RBFOX1: variants seen among roughly 807,000 people sequenced by gnomAD.
RBFOX1 encodes RNA binding protein fox-1 homolog 1.
Under a neutral mutation model 57.7 loss-of-function variants are expected in RBFOX1, and 8 were observed. That is an observed-to-expected ratio of 0.14 (90% CI 0.08 to 0.25). The LOEUF (loss-of-function observed/expected upper bound fraction) is 0.25, where lower values mean the gene tolerates loss of function less well. Among genes scored for constraint, RBFOX1 ranks in the 10% least tolerant of loss-of-function variants. RBFOX1 has a pLI of 1.00. For synonymous variants in RBFOX1, 326 were observed against 222.4 expected (o/e 1.47, Z -4.15); for missense variants, 611 against 548.5 (o/e 1.11, Z -1.14).
At chr16:6,169,318 C>G (rs1026425045) in intron 1 of RBFOX1, among the ~76,000 whole-genome samples, 1 of 151,886 alleles carries the variant, frequency 6.6e-6, no homozygotes, top group Non-Finnish European at 1.5e-5. Flanking sequence ...ACTTTGTTAT[C>G]ACGTTGGGGA....
chr16:5,332,656 G>A (rs1652101073), intron 1 of RBFOX1, among the ~76,000 whole-genome samples: 1 of 151,376 alleles, frequency 6.6e-6, no homozygotes, highest in South Asian at 2.1e-4. Flanking sequence ...TTACATATGT[G>A]TGTGTGAATG....
At chr16:7,639,568 C>T (rs1597099171) in intron 11 of RBFOX1, among the ~76,000 whole-genome samples, 2 of 152,006 alleles carry the variant, frequency 1.3e-5, no homozygotes, top group Admixed American at 6.6e-5. Flanking sequence ...TTCTATTATA[C>T]CTATATTCTT....
intron 1 of RBFOX1, among the ~76,000 whole-genome samples, chr16:6,258,872 C>T (rs758908396): frequency 1.3e-5 from 2 of 152,082 alleles, no homozygotes; most frequent in South Asian, 2.1e-4. Context: ...TCATGTACCC[C>T]ATAAAGATAT....
intron 1 of RBFOX1, among the ~76,000 whole-genome samples, chr16:5,424,989 T>TTTCTTTCTTTTTTTCTTTC (rs59594774): frequency 1.3e-5 from 1 of 75,730 alleles, no homozygotes; most frequent in Non-Finnish European, 2.8e-5. Flanking sequence ...TTTTCTTTTC[T>TTTCTTTCTTTTTTTCTTTC]TTTCTTTTCT....
rs572664024 is a variant in RBFOX1 at position 6,824,437 on chromosome 16, A to C, written c.-16+169787A>C. ...ACTGTAAACAGTTATCTTACTGTCA[A>C]GGCAACTCAAGATGTTCTATTGCTT... On this transcript the variant is annotated intron_variant, in intron 3 of 15. Coordinates refer to ENST00000550418, the MANE Select transcript of RBFOX1 (RefSeq NM_018723.4). Among the ~76,000 whole-genome samples the C allele has an allele frequency of 8.5e-5, 13 of 152,342 alleles. No homozygotes were observed. In the South Asian group the frequency reaches 1.0e-3, roughly 12 times the overall value.
chr16:6,575,017 G>T (rs1230828701), intron 2 of RBFOX1, among the ~76,000 whole-genome samples: 3 of 144,086 alleles, frequency 2.1e-5, no homozygotes, highest in Admixed American at 1.4e-4. Context: ...CAGCTTGGGG[G>T]ACAGAGCGAG....
At chr16:5,430,618 G>C (rs984948404) in intron 1 of RBFOX1, among the ~76,000 whole-genome samples, 4 of 152,190 alleles carry the variant, frequency 2.6e-5, no homozygotes, top group African/African-American at 9.7e-5. Context: ...GTATCAGTTA[G>C]GTTGACTCCA....
chr16:5,323,835 C>T (rs907438106), intron 1 of RBFOX1, among the ~76,000 whole-genome samples: 1 of 152,206 alleles, frequency 6.6e-6, no homozygotes, highest in Non-Finnish European at 1.5e-5. Context: ...GGCTGAGTGT[C>T]CCTGTAACAT....
At chr16:6,431,976 A>G (rs2094113355) in intron 2 of RBFOX1, among the ~76,000 whole-genome samples, 1 of 118,898 alleles carries the variant, frequency 8.4e-6, no homozygotes, top group African/African-American at 3.3e-5. Context: ...TCTTTTTTGA[A>G]ATAGAGACAG....
chr16:5,426,009 G>T (rs1425988951), intron 1 of RBFOX1, among the ~76,000 whole-genome samples: 1 of 152,210 alleles, frequency 6.6e-6, no homozygotes, highest in Non-Finnish European at 1.5e-5. Context: ...TGGAGTGGAA[G>T]TGCTGCTGGT....
intron 5 of RBFOX1, among the ~76,000 whole-genome samples, chr16:7,522,536 A>G (rs2077734342): frequency 6.6e-6 from 1 of 152,194 alleles, no homozygotes; most frequent in Non-Finnish European, 1.5e-5. Context: ...AATAACTGTG[A>G]TATGTTGGAG....
At chr16:6,076,401 C>A (rs1213317584) in intron 1 of RBFOX1, among the ~76,000 whole-genome samples, 1 of 152,012 alleles carries the variant, frequency 6.6e-6, no homozygotes, top group Non-Finnish European at 1.5e-5. Context: ...AACTGTTTGA[C>A]CTTCGGTAGG....
intron 1 of RBFOX1, among the ~76,000 whole-genome samples, chr16:6,105,983 A>T (rs1411861870): frequency 6.6e-6 from 1 of 152,048 alleles, no homozygotes; most frequent in Admixed American, 6.6e-5. Context: ...TCTTTACACT[A>T]ATATTGCTTT....
intron 4 of RBFOX1, among the ~76,000 whole-genome samples, chr16:7,240,964 A>G (rs1157117013): frequency 1.3e-5 from 2 of 152,196 alleles, no homozygotes; most frequent in Non-Finnish European, 2.9e-5. Flanking sequence ...GGAACATTCT[A>G]CTTTTCCCCC....
intron 3 of RBFOX1, among the ~76,000 whole-genome samples, chr16:6,720,106 T>C: frequency 6.6e-6 from 1 of 151,880 alleles, no homozygotes; most frequent in East Asian, 1.9e-4. Context: ...AAGAATAAAA[T>C]AAATAAATAA....
At chr16:6,767,923 T>TAAGAAGAAG (rs1451360179) in intron 3 of RBFOX1, among the ~76,000 whole-genome samples, 7 of 70,472 alleles carry the variant, frequency 9.9e-5, no homozygotes, top group African/African-American at 4.0e-4. Context: ...TCAATAATAA[T>TAAGAAGAAG]AATAATAATA....
chr16:6,282,258 G>T (rs2076453134), intron 1 of RBFOX1, among the ~76,000 whole-genome samples: 1 of 151,622 alleles, frequency 6.6e-6, no homozygotes, highest in Non-Finnish European at 1.5e-5. Context: ...AAAAATCTAA[G>T]GAAAATTTTA....
intron 1 of RBFOX1, among the ~76,000 whole-genome samples, chr16:5,302,572 A>G (rs1276142272): frequency 6.6e-6 from 1 of 152,190 alleles, no homozygotes; most frequent in Non-Finnish European, 1.5e-5. Flanking sequence ...TTTGTCTTTC[A>G]ATTATTGCAT....
chr16:5,246,624 C>T lies in RBFOX1; in HGVS notation c.219+6519C>T, dbSNP rs570220685. Among the ~76,000 whole-genome samples the T allele has an allele frequency of 6.6e-5, 10 of 152,254 alleles. 1 individual carries two copies. The South Asian group carries it at 8.3e-4, about 13-fold the overall frequency. On this transcript the variant is annotated intron_variant, in intron 1 of 2. Transcript: ENST00000585867. ...TCTGCCCACTTCCCCACCCTGACAA[C>T]CATCATTCTACTCTGCTTCTATGAA...
Sources: gnomAD v4.1 joint callset for allele counts (sites outside exome capture counted in the v4.1 genomes callset) on GRCh38, gnomAD v4.1.1 for gene constraint, MANE v1.5 for transcripts, NCBI Gene and HGNC (gene_info 2026-07-23, HGNC 2026-07-21) for gene names.